Variants in KAZN observed in about 807,000 individuals in gnomAD.
KAZN encodes the protein kazrin.
In KAZN, 40 loss-of-function variants were observed where a neutral mutation model predicts 87.4. The ratio of observed to expected loss-of-function variants is 0.46; its 90% confidence interval spans 0.36 to 0.60. KAZN has a LOEUF of 0.60. KAZN is among the 20% of genes least tolerant of loss of function. The probability of loss-of-function intolerance (pLI) is 0.00; values close to 1 mark genes in which losing one functional copy is unlikely to be tolerated. For synonymous variants in KAZN, 466 were observed against 458.3 expected, an observed-to-expected ratio of 1.02 and a Z score of -0.22; for missense variants, 898 against 1,073.9, an observed-to-expected ratio of 0.84 and a Z score of 2.29.
At chr1:14,655,249 G>C (rs1436158403) in intron 1 of KAZN, among the ~76,000 whole-genome samples, 1 of 152,152 alleles carries the variant, frequency 6.6e-6, no homozygotes, top group Non-Finnish European at 1.5e-5. Flanking sequence ...AGGAGGATGG[G>C]AGGCTAGGGG....
rs138017418 is a variant in KAZN at position 14,621,159 on chromosome 1, G to T, written c.226+21936G>T. ...CATGTGCTGGTCCACCAGGACTGGA[G>T]CAGGGCCACCCAAGGCATTTGTTAT... On this transcript the variant is annotated intron_variant, in intron 1 of 14. Transcript: ENST00000376030. Among the ~76,000 whole-genome samples, 46 of 152,312 alleles carry T rather than the reference G, an allele frequency of 3.0e-4. No homozygotes were observed. The East Asian group carries it at 8.9e-3, about 29-fold the overall frequency.
intron 2 of KAZN, among the ~76,000 whole-genome samples, chr1:14,593,678 G>A (rs1676331920): frequency 6.6e-6 from 1 of 152,100 alleles, no homozygotes; most frequent in Non-Finnish European, 1.5e-5. Flanking sequence ...AATAACCAAT[G>A]GCCATATACG....
At chr1:14,480,627 GTATA>G in intron 2 of KAZN, among the ~76,000 whole-genome samples, 1 of 114,914 alleles carries the variant, frequency 8.7e-6, no homozygotes, top group South Asian at 2.4e-4. Flanking sequence ...AAAAATATAT[GTATA>G]TATTATGTAT....
At chr1:14,498,348 C>G (rs1557759691) in intron 2 of KAZN, among the ~76,000 whole-genome samples, 1 of 152,206 alleles carries the variant, frequency 6.6e-6, no homozygotes, top group Non-Finnish European at 1.5e-5. Context: ...CAGGGTGAAG[C>G]CACAGGCAGG....
chr1:14,475,978 A>G (rs960206249), intron 2 of KAZN, among the ~76,000 whole-genome samples: 8 of 152,194 alleles, frequency 5.3e-5, no homozygotes, highest in Non-Finnish European at 1.2e-4. Context: ...TTGAGACAAT[A>G]ATGAGGTTAT....
At chr1:15,067,376 G>A (rs917157226) in intron 8 of KAZN, 21 of 985,504 alleles carry the variant, frequency 2.1e-5, no homozygotes, top group African/African-American at 1.7e-4. Context: ...GGGGGGTGGC[G>A]TTGGCCCCAA....
rs145955653 is a variant in KAZN at position 14,223,810 on chromosome 1, T to C, written c.249+43218T>C. 6.6e-4 allele frequency among the ~76,000 whole-genome samples: 100 copies of C among 152,312 alleles called. 1 individual carries two copies. The highest frequency in any genetic ancestry group is 2.3e-3 in the African/African-American group (95 of 41,580). ...AACCTCATCTATCTGGCTTGATTTG[T>C]CCACCCTGGGTCCAATCTGCTATGG... On this transcript the variant is annotated intron_variant, in intron 2 of 16. Coordinates refer to the KAZN transcript ENST00000636203.
At chr1:14,340,963 C>CTGCA (rs1387201391) in intron 2 of KAZN, among the ~76,000 whole-genome samples, 1 of 135,196 alleles carries the variant, frequency 7.4e-6, no homozygotes, top group Non-Finnish European at 1.5e-5. Flanking sequence ...TCTCGACTCA[C>CTGCA]TGCAACCTCT....
chr1:14,049,568 A>C (rs1389713993), intron 1 of KAZN, among the ~76,000 whole-genome samples: 1 of 152,132 alleles, frequency 6.6e-6, no homozygotes. Flanking sequence ...ACCTATCATC[A>C]CCAGGGTGCT....
chr1:14,957,321 C>A (rs939948640), intron 1 of KAZN, among the ~76,000 whole-genome samples: 3 of 152,206 alleles, frequency 2.0e-5, no homozygotes, highest in African/African-American at 7.2e-5. Context: ...GGGCATTCAC[C>A]CCAGTGCCCC....
intron 1 of KAZN, among the ~76,000 whole-genome samples, chr1:14,018,702 C>A (rs1050251459): frequency 1.4e-4 from 21 of 152,180 alleles, no homozygotes; most frequent in African/African-American, 2.4e-5. Context: ...AGATGATTTT[C>A]TGGCTCTCTC....
intron 2 of KAZN, among the ~76,000 whole-genome samples, chr1:14,367,715 G>C (rs887461860): frequency 6.6e-6 from 1 of 152,046 alleles, no homozygotes; most frequent in African/African-American, 2.4e-5. Context: ...CTGAGCCCTA[G>C]ACCAGCTTAG....
intron 2 of KAZN, among the ~76,000 whole-genome samples, chr1:15,004,151 T>C (rs1484028072): frequency 1.3e-5 from 2 of 152,216 alleles, no homozygotes; most frequent in African/African-American, 4.8e-5. Context: ...GCCAACCTCA[T>C]GGTGCTGTCT....
chr1:14,254,957 C>G (rs779807402), intron 2 of KAZN, among the ~76,000 whole-genome samples: 4 of 151,676 alleles, frequency 2.6e-5, no homozygotes, highest in Non-Finnish European at 4.4e-5. Context: ...CCCGTCTCTA[C>G]TAAAAATACA....
intron 7 of KAZN, among the ~76,000 whole-genome samples, chr1:15,064,407 T>C (rs1361525703): frequency 6.6e-6 from 1 of 152,160 alleles, no homozygotes; most frequent in African/African-American, 2.4e-5. Context: ...TGGGGAACCA[T>C]GAGTCAAGTC....
chr1:14,167,160 G>A (rs1645845763), intron 1 of KAZN, among the ~76,000 whole-genome samples: 1 of 152,256 alleles, frequency 6.6e-6, no homozygotes, highest in Admixed American at 6.5e-5. Context: ...GTTCTTTATG[G>A]AGTTCTGGGA....
At chr1:14,278,291 CTTTTT>C (rs869207394) in intron 2 of KAZN, among the ~76,000 whole-genome samples, 1 of 135,074 alleles carries the variant, frequency 7.4e-6, no homozygotes, top group Non-Finnish European at 1.6e-5. Context: ...GCACTGATTC[CTTTTT>C]TTTTTTTTTT....
chr1:14,120,716 A>G (rs1162972050), intron 1 of KAZN, among the ~76,000 whole-genome samples: 1 of 152,174 alleles, frequency 6.6e-6, no homozygotes, highest in Non-Finnish European at 1.5e-5. Context: ...GACAGTGGAC[A>G]TGTGCTATCT....
chr1:14,020,143 A>T (rs1483710343), intron 1 of KAZN, among the ~76,000 whole-genome samples: 1 of 152,076 alleles, frequency 6.6e-6, no homozygotes, highest in Admixed American at 6.6e-5. Flanking sequence ...CACTTCTGTG[A>T]TAACCTAATG....
Sources: gnomAD v4.1 joint callset for allele counts (sites outside exome capture counted in the v4.1 genomes callset) on GRCh38, gnomAD v4.1.1 for gene constraint, MANE v1.5 for transcripts, NCBI Gene and HGNC (gene_info 2026-07-23, HGNC 2026-07-21) for gene names.